The following MNAT1 variants were observed in gnomAD, a reference collection of about 807,000 sequenced individuals.
The protein encoded by MNAT1 is CDK-activating kinase assembly factor MAT1.
MNAT1 carries 43 observed loss-of-function variants against 42.0 expected under a neutral mutation model. The ratio of observed to expected loss-of-function variants is 1.02; its 90% CI spans 0.80 to 1.32. The LOEUF is 1.32. Among genes scored for constraint, MNAT1 ranks in the 40% most tolerant of loss-of-function variants. The pLI, the probability that MNAT1 is intolerant of heterozygous loss-of-function variation, is 0.00. For synonymous variants in MNAT1, 118 were observed against 120.0 expected (o/e 0.98, Z 0.11); for missense variants, 306 against 350.4 (o/e 0.87, Z 1.01).
chr14:60,937,691 T>G (rs1363335835), intron 7 of MNAT1, among the ~76,000 whole-genome samples: 2 of 152,156 alleles, frequency 1.3e-5, no homozygotes, highest in Non-Finnish European at 2.9e-5. Flanking sequence ...TCTTTTGGCT[T>G]AGGATTGACT....
In MNAT1 at chr14:60,814,812, G is replaced by A. The variant is rs149658978; in HGVS notation, c.561+2685G>A. ...CCAGCATATTAAATAGAATAATGAC[G>A]CCTTCCCTAGCAACTTTCATTAGTT... On this transcript the variant is annotated intron_variant, in intron 5 of 7. Coordinates refer to ENST00000261245, the MANE Select transcript of MNAT1 (RefSeq NM_002431.4). 8.5e-5 allele frequency among the ~76,000 whole-genome samples: 13 copies of A among 152,246 alleles called. No individual in the cohort carries two copies. In the East Asian group the frequency reaches 1.9e-3, roughly 23 times the overall value.
At chr14:60,836,377 C>T (rs918585342) in intron 6 of MNAT1, among the ~76,000 whole-genome samples, 1 of 152,202 alleles carries the variant, frequency 6.6e-6, no homozygotes, top group African/African-American at 2.4e-5. Flanking sequence ...GTGGATTTGT[C>T]TACCTTTGGT....
At chr14:60,905,176 G>A (rs1237350535) in intron 7 of MNAT1, among the ~76,000 whole-genome samples, 1 of 151,866 alleles carries the variant, frequency 6.6e-6, no homozygotes, top group Non-Finnish European at 1.5e-5. Context: ...AAACAGAGGA[G>A]TAAATGTCTA....
chr14:60,850,859 G>A (rs1008029861), intron 6 of MNAT1, among the ~76,000 whole-genome samples: 2 of 152,128 alleles, frequency 1.3e-5, no homozygotes, highest in Admixed American at 6.5e-5. Flanking sequence ...TCTGGATGTA[G>A]AATCTGCCAA....
intron 7 of MNAT1, among the ~76,000 whole-genome samples, chr14:60,918,710 C>G (rs1010604388): frequency 2.1e-5 from 3 of 145,942 alleles, no homozygotes; most frequent in Admixed American, 7.0e-5. Context: ...TGAAATCTAT[C>G]TTGTTTAATG....
At position 60,953,064 on chromosome 14, in the gene MNAT1, A is replaced by G. The variant is rs556528925; in HGVS notation, c.810-15165A>G. On this transcript the variant is annotated intron_variant, in intron 7 of 7. Coordinates refer to ENST00000261245, the MANE Select transcript of MNAT1 (RefSeq NM_002431.4). ...ATGAGGTCCAAGAAATGGCCATTTA[A>G]TGGTAACCAGAGTCAAAATACAAGG... 7.9e-5 allele frequency among the ~76,000 whole-genome samples: 12 copies of G among 152,226 alleles called. No homozygotes were observed. The South Asian group carries it at 2.3e-3, about 29-fold the overall frequency.
chr14:60,807,307 A>G (rs1198461151), intron 3 of MNAT1, among the ~76,000 whole-genome samples: 1 of 152,170 alleles, frequency 6.6e-6, no homozygotes, highest in Admixed American at 6.6e-5. Flanking sequence ...CAACTCTTAT[A>G]AGCTATTAAA....
chr14:60,869,040 A>ATATATATATATATTTTTT (rs1465360826), intron 6 of MNAT1, among the ~76,000 whole-genome samples: 2 of 113,054 alleles, frequency 1.8e-5, no homozygotes, highest in African/African-American at 6.8e-5. Context: ...ATATATATAT[A>ATATATATATATATTTTTT]TTTTTTTTTT....
rs1446475199 is a variant in MNAT1, at chr14:60,798,070, T to C, written c.243-17T>C. The C allele has an allele frequency of 2.4e-6, 3 of 1,266,436 alleles. No individual in the cohort carries two copies. The highest frequency in any genetic ancestry group is 3.4e-6 in the Non-Finnish European group (3 of 876,068). The allele number at this position is 1,266,436 out of a possible 1,614,324, so 78.4% of individuals were successfully genotyped here. A position where few individuals can be genotyped will look rare whatever the true frequency, so the allele number is the denominator to read the frequency against. ...AATGATATGTAATATGTAGATTTCT[T>C]TTTTCTTTTCTTAAAGATACAATAA... On this transcript the variant is annotated splice_polypyrimidine_tract_variant and intron_variant, in intron 2 of 7. Coordinates refer to ENST00000261245, the MANE Select transcript of MNAT1 (RefSeq NM_002431.4).
intron 6 of MNAT1, among the ~76,000 whole-genome samples, chr14:60,836,676 C>A (rs908153294): frequency 2.6e-5 from 4 of 152,202 alleles, no homozygotes; most frequent in African/African-American, 4.8e-5. Flanking sequence ...TGTTGTTAAA[C>A]CCCTGTTGGG....
intron 1 of MNAT1, among the ~76,000 whole-genome samples, chr14:60,738,429 T>A (rs2140281308): frequency 6.6e-6 from 1 of 152,038 alleles, no homozygotes; most frequent in African/African-American, 2.4e-5. Context: ...CTAATTTTTG[T>A]ATTTTTAGTA....
intron 7 of MNAT1, among the ~76,000 whole-genome samples, chr14:60,886,371 C>T (rs556993331): frequency 4.6e-5 from 7 of 151,912 alleles, no homozygotes; most frequent in Admixed American, 3.3e-4. Context: ...TCTATTCTTA[C>T]GGACATGGGA....
Position 60,968,249 on chromosome 14 carries a change from C to G in MNAT1, c.830C>G (p.Ala277Gly). ...TTTAGGTATTTAAACCATGTCAGAGCTGCCTCACCACAGGACCTTGCTGGA... is the reference window on the plus strand; with the variant it reads ...TTTAGGTATTTAAACCATGTCAGAGGTGCCTCACCACAGGACCTTGCTGGA... ...GRLGYLNHVR[A>G]ASPQDLAGGY... is the part of the protein sequence containing the mutation. Residue 277 changes from alanine to glycine, a missense_variant, in exon 8 of 8, where the codon GCT (alanine) becomes GGT (glycine). This residue lies in a region of MNAT1 where 116 missense variants were observed against 139.6 expected (regional missense o/e 0.83). Coordinates refer to ENST00000261245, the MANE Select transcript of MNAT1 (RefSeq NM_002431.4). 1 of 1,613,432 alleles carries G rather than the reference C, an allele frequency of 6.2e-7. No homozygotes were observed. The highest frequency in any genetic ancestry group is 8.5e-7 in the Non-Finnish European group (1 of 1,179,688).
intron 1 of MNAT1, among the ~76,000 whole-genome samples, chr14:60,776,154 A>G (rs2031241563): frequency 6.6e-6 from 1 of 152,192 alleles, no homozygotes; most frequent in South Asian, 2.1e-4. Flanking sequence ...AGATGCTGTA[A>G]TGTATGCTTG....
chr14:60,908,887 G>A (rs1006695221), intron 7 of MNAT1, among the ~76,000 whole-genome samples: 1 of 152,190 alleles, frequency 6.6e-6, no homozygotes, highest in African/African-American at 2.4e-5. Flanking sequence ...AGATCCCTGA[G>A]GAATCGCCAT....
chr14:60,751,496 C>CA (rs2030091375), intron 1 of MNAT1, among the ~76,000 whole-genome samples: 1 of 151,818 alleles, frequency 6.6e-6, no homozygotes, highest in Non-Finnish European at 1.5e-5. Context: ...TAAGCAATGA[C>CA]ATAGTATTTG....
At chr14:60,934,020 G>A (rs2035941128) in intron 7 of MNAT1, among the ~76,000 whole-genome samples, 1 of 152,182 alleles carries the variant, frequency 6.6e-6, no homozygotes, top group African/African-American at 2.4e-5. Context: ...CATTCAGTGA[G>A]GGAAGAGTAA....
At chr14:60,790,449 G>A (rs933806212) in intron 1 of MNAT1, among the ~76,000 whole-genome samples, 1 of 152,104 alleles carries the variant, frequency 6.6e-6, no homozygotes, top group Non-Finnish European at 1.5e-5. Flanking sequence ...GCTGATCAAG[G>A]ACTCAAAATA....
At chr14:60,886,364 A>G (rs2034670864) in intron 7 of MNAT1, among the ~76,000 whole-genome samples, 1 of 151,910 alleles carries the variant, frequency 6.6e-6, no homozygotes, top group South Asian at 2.1e-4. Context: ...ATATTCCTCT[A>G]TTCTTACGGA....
Sources: gnomAD v4.1 joint callset for allele counts (sites outside exome capture counted in the v4.1 genomes callset) on GRCh38, gnomAD v4.1.1 for gene constraint, gnomAD v4.1.1 regional missense constraint, MANE v1.5 for transcripts, NCBI Gene and HGNC (gene_info 2026-07-23, HGNC 2026-07-21) for gene names.